Variants in PRKCH observed in about 807,000 individuals in gnomAD.
The protein encoded by PRKCH is protein kinase C eta.
PRKCH carries 28 observed loss-of-function variants against 82.5 expected under a neutral mutation model. The ratio of observed to expected loss-of-function variants is 0.34; its 90% CI spans 0.25 to 0.47. PRKCH has a LOEUF of 0.47. PRKCH is among the 20% of genes least tolerant of loss of function. PRKCH has a pLI of 1.00. For missense variants in PRKCH, 705 were observed against 881.8 expected, an observed-to-expected ratio of 0.80 and a Z score of 2.54; for synonymous variants, 322 against 327.4, an observed-to-expected ratio of 0.98 and a Z score of 0.18.
Position 61,449,211 on chromosome 14 carries a change from G to A in PRKCH, c.661G>A (p.Ala221Thr). The A allele has an allele frequency of 1.2e-6, 2 of 1,614,044 alleles. No individual in the cohort carries two copies. The highest frequency in any genetic ancestry group is 1.7e-6 in the Non-Finnish European group (2 of 1,179,972). The change falls in exon 5 of 14, where the codon GCC becomes ACC. Residue 221 changes from alanine to threonine, a missense_variant. Transcript: ENST00000332981. ...HKRCHHLIVT[A>T]CTCQNNINKV... ...ACGCTGCCATCATCTAATTGTTACA[G>A]CCTGTACTTGCCAAAACAATATTAA... is the stretch of plus-strand genomic sequence containing the variant.
intron 10 of PRKCH, among the ~76,000 whole-genome samples, chr14:61,496,559 C>G (rs1364842614): frequency 6.6e-6 from 1 of 152,208 alleles, no homozygotes; most frequent in Non-Finnish European, 1.5e-5. Flanking sequence ...CTCCCCTACC[C>G]TCCAGATTCC....
chr14:61,410,769 C>T (rs1166541761), intron 2 of PRKCH, among the ~76,000 whole-genome samples: 1 of 152,180 alleles, frequency 6.6e-6, no homozygotes, highest in East Asian at 1.9e-4. Flanking sequence ...GTGGTAGCTA[C>T]ACATAAACAT....
At chr14:61,431,248 C>T (rs1883381896) in intron 2 of PRKCH, among the ~76,000 whole-genome samples, 1 of 152,234 alleles carries the variant, frequency 6.6e-6, no homozygotes, top group South Asian at 2.1e-4. Flanking sequence ...TTCCCAAGTG[C>T]TGGCAGGCCA....
intron 1 of PRKCH, among the ~76,000 whole-genome samples, chr14:61,355,254 CTTTA>C (rs1185320807): frequency 6.6e-6 from 1 of 152,130 alleles, no homozygotes; most frequent in Non-Finnish European, 1.5e-5. Context: ...GCAAATCCTA[CTTTA>C]TTTCTCATTG....
chr14:61,192,967 T>C (rs987919605), intron 1 of PRKCH, among the ~76,000 whole-genome samples: 8 of 152,242 alleles, frequency 5.3e-5, no homozygotes, highest in African/African-American at 1.7e-4. Context: ...GAAGTCACCA[T>C]GAACATGAGG....
intron 1 of PRKCH, chr14:61,304,206 C>T (rs2140106020): frequency 1.3e-5 from 2 of 152,120 alleles, no homozygotes; most frequent in South Asian, 4.1e-4. Flanking sequence ...TAAACACACA[C>T]ACACACACAC....
chr14:61,463,004 C>T (rs1189784037), intron 9 of PRKCH: 3 of 152,262 alleles, frequency 2.0e-5, no homozygotes, highest in Non-Finnish European at 2.9e-5. Context: ...TCGGCTTAAG[C>T]ACCTCCTATC....
chr14:61,193,294 A>G (rs1427554349), intron 1 of PRKCH, among the ~76,000 whole-genome samples: 2 of 152,362 alleles, frequency 1.3e-5, no homozygotes, highest in East Asian at 3.9e-4. Context: ...TTAATTGAAA[A>G]TGCAGCAAGA....
chr14:61,250,266 T>TAAAC (rs1288302323), intron 1 of PRKCH, among the ~76,000 whole-genome samples: 2 of 151,374 alleles, frequency 1.3e-5, no homozygotes, highest in African/African-American at 4.8e-5. Context: ...AATAAATAAA[T>TAAAC]AAATAAATAA....
At chr14:61,459,497 A>AGGTG (rs1884934179) in intron 9 of PRKCH, among the ~76,000 whole-genome samples, 1 of 152,156 alleles carries the variant, frequency 6.6e-6, no homozygotes, top group Admixed American at 6.5e-5. Context: ...GAGGCAGCCG[A>AGGTG]GGTGGGCCAG....
intron 1 of PRKCH, among the ~76,000 whole-genome samples, chr14:61,367,740 A>G (rs893925746): frequency 6.3e-5 from 9 of 143,692 alleles, no homozygotes; most frequent in African/African-American, 2.4e-4. Context: ...TTTTTTAAAC[A>G]GTCTCGCTCT....
chr14:61,280,635 G>A lies in PRKCH; in HGVS notation c.-19+92967G>A, dbSNP rs760358206. ...GCTGGTGCCAAAGCGAGAAGGAGTC[G>A]TTGAAGAGGCTGTTGGCGATGGCGC... On this transcript the variant is annotated intron_variant, in intron 1 of 3. Transcript: ENST00000555185. The surrounding 1 kb of genome is among the most constrained non-coding windows in gnomAD (Gnocchi z 5.0). 3.2e-6 allele frequency: 5 copies of A among 1,575,188 alleles called. No homozygotes were observed. Among genetic ancestry groups the A allele is most frequent in the Non-Finnish European group, 4.3e-6 (5 of 1,160,948 alleles).
chr14:61,441,901 C>T (rs980676657), intron 2 of PRKCH, among the ~76,000 whole-genome samples: 3 of 152,062 alleles, frequency 2.0e-5, no homozygotes, highest in African/African-American at 7.2e-5. Context: ...CCTCCTGCCT[C>T]AGCCTCCCAA....
At chr14:61,480,574 A>G (rs540440751) in intron 9 of PRKCH, among the ~76,000 whole-genome samples, 4 of 152,262 alleles carry the variant, frequency 2.6e-5, no homozygotes, top group South Asian at 4.1e-4. Flanking sequence ...GTTTTATTCT[A>G]TGTGGCAAGT....
At chr14:61,238,841 C>T (rs966234864) in intron 1 of PRKCH, among the ~76,000 whole-genome samples, 8 of 152,172 alleles carry the variant, frequency 5.3e-5, no homozygotes, top group African/African-American at 9.7e-5. Context: ...CTGGGTAAAG[C>T]TTCTCGAACT....
intron 9 of PRKCH, among the ~76,000 whole-genome samples, chr14:61,470,677 C>T (rs1441531780): frequency 6.6e-6 from 1 of 152,154 alleles, no homozygotes; most frequent in Non-Finnish European, 1.5e-5. Flanking sequence ...CTCCTGCCCA[C>T]TTCTGGTCTT....
At position 61,246,035 on chromosome 14, in the gene PRKCH, C is replaced by T. The variant is rs547944112; in HGVS notation, c.-19+58367C>T. Among the ~76,000 whole-genome samples the T allele has an allele frequency of 1.1e-4, 17 of 152,220 alleles. No homozygotes were observed. The East Asian group carries it at 1.4e-3, about 12-fold the overall frequency. ...TAAGACCCTCTTTAGGAGGGTCCTT[C>T]GCCCTCCCAAAGTGCTGCTATTCAT... is the stretch of plus-strand genomic sequence containing the variant. On this transcript the variant is annotated intron_variant, in intron 1 of 3. Coordinates refer to the PRKCH transcript ENST00000555185.
At chr14:61,411,893 T>C (rs1253229753) in intron 2 of PRKCH, among the ~76,000 whole-genome samples, 1 of 152,158 alleles carries the variant, frequency 6.6e-6, no homozygotes, top group Non-Finnish European at 1.5e-5. Context: ...GGGCCAGAAA[T>C]AGTGCTTCTG....
intron 12 of PRKCH, among the ~76,000 whole-genome samples, chr14:61,547,451 G>T (rs1175820681): frequency 6.6e-6 from 1 of 152,162 alleles, no homozygotes. Context: ...TTTCTTTAAA[G>T]AGGAAAGAAA....
Sources: allele counts gnomAD v4.1 joint callset (sites outside exome capture counted in the v4.1 genomes callset), GRCh38; gene constraint gnomAD v4.1.1; non-coding constraint Gnocchi (gnomAD v3.1); transcripts MANE v1.5; gene names NCBI Gene and HGNC (gene_info 2026-07-23, HGNC 2026-07-21).